The following PPFIBP2 variants were observed in gnomAD, a reference collection of about 807,000 sequenced individuals.
PPFIBP2 encodes liprin-beta-2.
Under a neutral mutation model 118.3 loss-of-function variants are expected in PPFIBP2, and 118 were observed. That is an observed-to-expected ratio of 1.00 (90% CI 0.86 to 1.16). PPFIBP2 has a LOEUF of 1.16. PPFIBP2 is among the 50% of genes most tolerant of loss of function. PPFIBP2 has a pLI of 0.00. For missense variants in PPFIBP2, 1,195 were observed against 1,073.1 expected (o/e 1.11, Z -1.59); for synonymous variants, 414 against 397.4 (o/e 1.04, Z -0.50).
intron 22 of PPFIBP2, chr11:7,651,261 G>C (rs771793582): frequency 5.9e-6 from 2 of 336,952 alleles, no homozygotes; most frequent in Non-Finnish European, 1.1e-5. Context: ...GGCTGAGGAA[G>C]GGACGGGGAA....
chr11:7,549,821 G>T (rs1048360814), intron 2 of PPFIBP2, among the ~76,000 whole-genome samples: 2 of 152,056 alleles, frequency 1.3e-5, no homozygotes, highest in African/African-American at 4.8e-5. Context: ...GGCAGTTTGG[G>T]TTCAGTGAGA....
chr11:7,649,704 G>A, intron 21 of PPFIBP2, 50 bp downstream of exon 21: 1 of 1,607,762 alleles, frequency 6.2e-7, no homozygotes, highest in Non-Finnish European at 8.5e-7. Flanking sequence ...CAGGACCCCT[G>A]AAACATCGAG....
chr11:7,546,191 T>C (rs1371825670), intron 1 of PPFIBP2, among the ~76,000 whole-genome samples: 1 of 152,232 alleles, frequency 6.6e-6, no homozygotes, highest in African/African-American at 2.4e-5. Context: ...CTAGGATTCT[T>C]ATGAAAGCAC....
At chr11:7,564,235 T>C (rs888486250) in intron 2 of PPFIBP2, among the ~76,000 whole-genome samples, 3 of 152,224 alleles carry the variant, frequency 2.0e-5, no homozygotes, top group African/African-American at 7.2e-5. Context: ...TGACCCAATA[T>C]ACCAGATCTC....
intron 2 of PPFIBP2, among the ~76,000 whole-genome samples, chr11:7,550,149 C>A (rs1057439585): frequency 6.6e-6 from 1 of 152,146 alleles, no homozygotes; most frequent in Non-Finnish European, 1.5e-5. Flanking sequence ...CAGCTGATTC[C>A]TTTCTTCATG....
chr11:7,623,123 C>T (rs372330276), intron 7 of PPFIBP2, among the ~76,000 whole-genome samples: 27 of 152,258 alleles, frequency 1.8e-4, no homozygotes, highest in African/African-American at 5.1e-4. Context: ...CTGTCATTCC[C>T]GTGCCTTCAT....
At chr11:7,617,699 A>G (rs1848829107) in intron 6 of PPFIBP2, among the ~76,000 whole-genome samples, 1 of 152,190 alleles carries the variant, frequency 6.6e-6, no homozygotes, top group Non-Finnish European at 1.5e-5. Flanking sequence ...TTTTAAGGAA[A>G]AGAAGTATTA....
intron 1 of PPFIBP2, among the ~76,000 whole-genome samples, chr11:7,537,149 C>A (rs1178612486): frequency 6.6e-6 from 1 of 152,284 alleles, no homozygotes; most frequent in South Asian, 2.1e-4. Context: ...CTAATGGCTA[C>A]AGGCCATGTT....
chr11:7,630,603 C>T (rs2135748666), intron 10 of PPFIBP2, among the ~76,000 whole-genome samples: 1 of 152,320 alleles, frequency 6.6e-6, no homozygotes, highest in South Asian at 2.1e-4. Flanking sequence ...TGAGCCAAAG[C>T]ACCTGGCCTC....
chr11:7,664,973 G>A, the PPFIBP2 span: 1 of 161,518 alleles, frequency 6.2e-6, no homozygotes, highest in Non-Finnish European at 1.4e-5. Flanking sequence ...CCCACTTGGA[G>A]TTTTTTAGGA....
At chr11:7,584,182 C>T (rs1482198731) in intron 3 of PPFIBP2, among the ~76,000 whole-genome samples, 1 of 152,168 alleles carries the variant, frequency 6.6e-6, no homozygotes, top group Non-Finnish European at 1.5e-5. Flanking sequence ...GAAAGTGGCA[C>T]CTAGTGGGTG....
chr11:7,608,231 T>G (rs1007070347), intron 5 of PPFIBP2, among the ~76,000 whole-genome samples: 2 of 152,332 alleles, frequency 1.3e-5, no homozygotes, highest in South Asian at 4.1e-4. Flanking sequence ...TGATTGCCTA[T>G]TTTAGCATGT....
chr11:7,651,706 C>G lies in PPFIBP2; in HGVS notation c.2298C>G (p.Ile766Met), dbSNP rs1854037744. The G allele has an allele frequency of 6.2e-7, 1 of 1,613,536 alleles. No individual in the cohort carries two copies. The highest frequency in any genetic ancestry group is 8.5e-7 in the Non-Finnish European group (1 of 1,179,496). ...ACACCCTGGCTATGCTTCTCAACAT[C>G]CCCCCACAAAAGACGCTCCTCAGGC... is the stretch of plus-strand genomic sequence containing the variant. The part of the protein sequence containing the change: ...TGDTLAMLLN[I>M]PPQKTLLRRH... Residue 766 changes from isoleucine (I) to methionine (M), a missense_variant, in exon 23 of 24, where the codon ATC (isoleucine) becomes ATG (methionine). Coordinates refer to ENST00000299492, the MANE Select transcript of PPFIBP2 (RefSeq NM_003621.5).
chr11:7,544,105 G>A (rs773996129), intron 1 of PPFIBP2, among the ~76,000 whole-genome samples: 1 of 152,228 alleles, frequency 6.6e-6, no homozygotes, highest in Non-Finnish European at 1.5e-5. Flanking sequence ...GAAGATGACA[G>A]CACACACATA....
In PPFIBP2 at chr11:7,626,029, G is replaced by A. The variant is rs535923334; in HGVS notation, c.826+138G>A. 4.2e-5 allele frequency: 30 copies of A among 706,020 alleles called. No individual in the cohort carries two copies. In the African/African-American group the frequency reaches 4.6e-4, roughly 11 times the overall value. 43.7% of individuals were successfully genotyped at this position (706,020 alleles called of 1,614,324 possible). On this transcript the variant is annotated intron_variant, in intron 8 of 23. Coordinates refer to ENST00000299492, the MANE Select transcript of PPFIBP2 (RefSeq NM_003621.5). ...TGCTAATGGACATGCATGTATGTGT[G>A]CAAGCGTGGCCAAGTGAATGGATGC...
At chr11:7,583,307 T>A (rs1395615726) in intron 3 of PPFIBP2, among the ~76,000 whole-genome samples, 4 of 152,232 alleles carry the variant, frequency 2.6e-5, no homozygotes, top group Non-Finnish European at 5.9e-5. Context: ...TCTTGCCTAA[T>A]TCTGTGTTCT....
chr11:7,628,469 G>A (rs1180031787), intron 9 of PPFIBP2, 123 bp downstream of exon 9: 5 of 917,432 alleles, frequency 5.5e-6, no homozygotes, highest in Admixed American at 5.0e-5. Context: ...ATAGGGATAT[G>A]TCAGGAGAAT....
chr11:7,595,327 T>A (rs1565023817), intron 4 of PPFIBP2, among the ~76,000 whole-genome samples: 3 of 152,210 alleles, frequency 2.0e-5, no homozygotes. Flanking sequence ...ACATGATTAA[T>A]GAAAGAGTAT....
intron 3 of PPFIBP2, among the ~76,000 whole-genome samples, chr11:7,588,295 T>C (rs1338399428): frequency 6.6e-6 from 1 of 152,200 alleles, no homozygotes; most frequent in African/African-American, 2.4e-5. Flanking sequence ...GGAATCTTGC[T>C]GGTCAGTCAG....
Sources: gnomAD v4.1 joint callset for allele counts (sites outside exome capture counted in the v4.1 genomes callset) on GRCh38, gnomAD v4.1.1 for gene constraint, MANE v1.5 for transcripts, NCBI Gene and HGNC (gene_info 2026-07-23, HGNC 2026-07-21) for gene names.